Variants in LRP2 observed in about 807,000 individuals in gnomAD.
LRP2 encodes the protein low-density lipoprotein receptor-related protein 2.
Under a neutral mutation model 531.0 loss-of-function variants are expected in LRP2, and 172 were observed. That is an observed-to-expected ratio of 0.32 (90% CI 0.29 to 0.37). The LOEUF (loss-of-function observed/expected upper bound fraction) is 0.37, where lower values mean the gene tolerates loss of function less well. Ranked by LOEUF, LRP2 falls within the 10% of genes least tolerant of loss-of-function variation. The pLI is 1.00. For synonymous variants in LRP2, 1,992 were observed against 2,027.6 expected, an observed-to-expected ratio of 0.98 and a Z score of 0.47; for missense variants, 5,167 against 5,868.3, an observed-to-expected ratio of 0.88 and a Z score of 3.90.
intron 9 of LRP2, among the ~76,000 whole-genome samples, chr2:169,287,396 G>A (rs980667345): frequency 7.9e-5 from 12 of 152,166 alleles, no homozygotes; most frequent in African/African-American, 2.6e-4. Context: ...GGCAACTTTG[G>A]GACGTGGTCC....
chr2:169,205,104 T>C (rs191461772), intron 41 of LRP2, among the ~76,000 whole-genome samples: 7 of 151,938 alleles, frequency 4.6e-5, no homozygotes, highest in African/African-American at 1.2e-4. Flanking sequence ...AAAAACATAA[T>C]ATCAATTGGC....
intron 76 of LRP2, among the ~76,000 whole-genome samples, chr2:169,135,289 T>TC (rs1405589434): frequency 7.2e-5 from 11 of 152,216 alleles, no homozygotes; most frequent in Middle Eastern, 6.8e-3. Context: ...TCGGGGTTTT[T>TC]CCCCCGCCCA....
At chr2:169,225,089 T>G (rs1689151120) in intron 33 of LRP2, among the ~76,000 whole-genome samples, 1 of 150,376 alleles carries the variant, frequency 6.6e-6, no homozygotes. Context: ...AGACTTTGTC[T>G]AAAAAAAAAA....
In LRP2 at chr2:169,128,795, T is replaced by TGTC; in HGVS notation, c.13833_13835dup (p.Thr4612dup). The TGTC allele has an allele frequency of 6.2e-7, 1 of 1,614,110 alleles. No individual in the cohort carries two copies. The stretch of plus-strand genomic sequence containing the variant: ...CAGGGAGCGAAGGTGATGGAGGTGG[T>TGTC]GTCGCAGCAACACTTTCCTTTTGCT... On this transcript the variant is annotated inframe_insertion, in exon 79 of 79. Coordinates refer to ENST00000649046, the MANE Select transcript of LRP2 (RefSeq NM_004525.3).
chr2:169,198,705 T>A, intron 45 of LRP2, 81 bp downstream of exon 45: 2 of 1,536,324 alleles, frequency 1.3e-6, no homozygotes, highest in Non-Finnish European at 1.8e-6. Context: ...TCAGCCCGAA[T>A]ACCCACGCTT....
intron 30 of LRP2, 124 bp from the exon 31 acceptor site, chr2:169,231,966 C>T: frequency 8.3e-7 from 1 of 1,205,302 alleles, no homozygotes; most frequent in Non-Finnish European, 1.2e-6. Flanking sequence ...ACGTTGTTAC[C>T]TCTGTTGTTT....
intron 52 of LRP2, among the ~76,000 whole-genome samples, chr2:169,180,701 T>C (rs1687396421): frequency 6.6e-6 from 1 of 152,234 alleles, no homozygotes; most frequent in South Asian, 2.1e-4. Flanking sequence ...GAAATAGTTC[T>C]ACTGAATGAA....
rs1689731610 is a variant in LRP2 at position 169,239,592 on chromosome 2, G to T, written c.4229C>A (p.Ser1410Tyr). 2.5e-6 allele frequency: 4 copies of T among 1,613,990 alleles called. No homozygotes were observed. The highest frequency in any genetic ancestry group is 1.3e-5 in the African/African-American group (1 of 74,916). ...GCCTGTATCACACGAGCACCGGAAAGAACCTCTCATATTGTAACAGTGCTG... is the reference window on the plus strand; with the variant it reads ...GCCTGTATCACACGAGCACCGGAAATAACCTCTCATATTGTAACAGTGCTG... ...CSQHCYNMRG[S>Y]FRCSCDTGYM... Residue 1410 changes from serine (S) to tyrosine (Y), a missense_variant, in exon 26 of 79, where the codon TCT (serine) becomes TAT (tyrosine). Ser to Tyr is a moderately radical substitution (Grantham distance 144). Transcript: ENST00000649046.
intron 72 of LRP2, among the ~76,000 whole-genome samples, chr2:169,139,860 C>G (rs1484902704): frequency 6.6e-6 from 1 of 152,174 alleles, no homozygotes; most frequent in Admixed American, 6.5e-5. Context: ...CCACGAAAAC[C>G]TATTGGTGTC....
At chr2:169,288,807 C>T (rs114852545) in intron 9 of LRP2, among the ~76,000 whole-genome samples, 11 of 152,344 alleles carry the variant, frequency 7.2e-5, no homozygotes, top group African/African-American at 2.2e-4. Context: ...CTAGTCAACT[C>T]GCTCATGACA....
intron 78 of LRP2, 62 bp downstream of exon 78, chr2:169,128,951 T>A: frequency 6.5e-7 from 1 of 1,547,994 alleles, no homozygotes; most frequent in South Asian, 1.1e-5. Context: ...TGTGTCCAAT[T>A]TAACCAAGCA....
In LRP2 at chr2:169,198,745, T is replaced by C. The variant is rs16823023; in HGVS notation, c.8578+41A>G. The C allele has an allele frequency of 0.27, 432,691 of 1,606,338 alleles. 61,996 individuals carry two copies. Among genetic ancestry groups the C allele is most frequent in the East Asian group, 0.55 (24,394 of 44,534 alleles). On this transcript the variant is annotated intron_variant, in intron 45 of 78. Transcript: ENST00000649046. ...TCTTTGTATTAGCTCACAACATGCA[T>C]CTCTGGAACGATAGAAAGAAAGCAG...
chr2:169,280,310 G>T (rs759783076), intron 11 of LRP2, 40 bp downstream of exon 11: 15 of 1,610,400 alleles, frequency 9.3e-6, no homozygotes, highest in African/African-American at 1.3e-5. Flanking sequence ...TCAACACTTT[G>T]TGCTCAGGGT....
At chr2:169,263,311 C>A (rs1690648670) in intron 16 of LRP2, among the ~76,000 whole-genome samples, 1 of 152,042 alleles carries the variant, frequency 6.6e-6, no homozygotes, top group African/African-American at 2.4e-5. Context: ...AACAGGCAAC[C>A]CACAAAATGG....
At chr2:169,308,187 T>C (rs1170211324) in intron 3 of LRP2, among the ~76,000 whole-genome samples, 1 of 152,106 alleles carries the variant, frequency 6.6e-6, no homozygotes, top group Non-Finnish European at 1.5e-5. Flanking sequence ...AGATTTGCTC[T>C]CAATTTTTAC....
At chr2:169,176,154 A>C (rs932726053) in intron 54 of LRP2, among the ~76,000 whole-genome samples, 3 of 152,236 alleles carry the variant, frequency 2.0e-5, no homozygotes, top group Non-Finnish European at 4.4e-5. Flanking sequence ...GACAATTAGA[A>C]ATGAGAAATA....
chr2:169,280,486 C>A lies in LRP2; in HGVS notation c.1205G>T (p.Arg402Leu). ...ATGAATATCACCAATTAACAAATCC[C>A]GACCATTGGAGAAGATAATGGAGGC... ...GEASIIFSNG[R>L]DLLIGDIHGR... is the part of the protein sequence containing the mutation. Residue 402 changes from arginine to leucine, a missense_variant, in exon 11 of 79, where the codon CGG becomes CTG. Arg to Leu is a moderately radical substitution (Grantham distance 102). Transcript: ENST00000649046. 6.2e-7 allele frequency: 1 copy of A among 1,614,124 alleles called. No homozygotes were observed. The highest frequency in any genetic ancestry group is 8.5e-7 in the Non-Finnish European group (1 of 1,180,030).
At chr2:169,268,101 G>A (rs1683281986) in intron 16 of LRP2, among the ~76,000 whole-genome samples, 1 of 152,176 alleles carries the variant, frequency 6.6e-6, no homozygotes, top group South Asian at 2.1e-4. Context: ...TTCTGAAATT[G>A]AGGCAATAAT....
chr2:169,294,826 T>C (rs575855336), intron 4 of LRP2, 116 bp from the exon 5 acceptor site: 3 of 687,822 alleles, frequency 4.4e-6, no homozygotes, highest in East Asian at 2.7e-5. Context: ...TAAATGCATA[T>C]ATTGATACAC....
Sources: allele counts gnomAD v4.1 joint callset (sites outside exome capture counted in the v4.1 genomes callset), GRCh38; gene constraint gnomAD v4.1.1; transcripts MANE v1.5; gene names NCBI Gene and HGNC (gene_info 2026-07-23, HGNC 2026-07-21).